SHANK2: variants seen among roughly 807,000 people sequenced by gnomAD.
SHANK2 encodes the protein SH3 and multiple ankyrin repeat domains protein 2.
Under a neutral mutation model 133.7 loss-of-function variants are expected in SHANK2, and 43 were observed. That is an observed-to-expected ratio of 0.32 (90% CI 0.25 to 0.41). SHANK2 has a LOEUF of 0.41. Ranked by LOEUF, SHANK2 falls within the 10% of genes least tolerant of loss-of-function variation. The pLI is 1.00. For synonymous variants in SHANK2, 1,017 were observed against 952.8 expected (o/e 1.07, Z -1.24); for missense variants, 1,994 against 2,235.8 (o/e 0.89, Z 2.18).
chr11:70,501,764 G>A (rs1318143680), intron 20 of SHANK2, among the ~76,000 whole-genome samples, 159 bp downstream of exon 20: 3 of 152,148 alleles, frequency 2.0e-5, no homozygotes, highest in Admixed American at 6.5e-5. Context: ...CCAAGCCCAC[G>A]CTATCTACAC....
chr11:70,702,539 T>C (rs1176770396), intron 14 of SHANK2, among the ~76,000 whole-genome samples: 1 of 150,916 alleles, frequency 6.6e-6, no homozygotes, highest in Non-Finnish European at 1.5e-5. Context: ...GCATCATCAC[T>C]AGCGTCATCA....
At chr11:71,133,462 A>G in intron 3 of SHANK2, among the ~76,000 whole-genome samples, 1 of 147,122 alleles carries the variant, frequency 6.8e-6, no homozygotes, top group South Asian at 2.2e-4. Context: ...AGACGGAGGG[A>G]GGGAGGGAGA....
chr11:70,934,061 T>C (rs1950537763), intron 10 of SHANK2, among the ~76,000 whole-genome samples: 1 of 151,390 alleles, frequency 6.6e-6, no homozygotes, highest in South Asian at 2.1e-4. Flanking sequence ...GCAAAACTCA[T>C]GTCTACAAAA....
intron 17 of SHANK2, among the ~76,000 whole-genome samples, chr11:70,534,665 G>C (rs1324740142): frequency 2.0e-5 from 3 of 152,174 alleles, no homozygotes; most frequent in Admixed American, 1.3e-4. Flanking sequence ...ATGAAAGAAT[G>C]ACAGTGTCCT....
In SHANK2 at chr11:70,485,730, G is replaced by T; in HGVS notation, c.4563C>A (p.Ser1521=). The T allele has an allele frequency of 6.2e-7, 1 of 1,614,032 alleles. No homozygotes were observed. Among genetic ancestry groups the T allele is most frequent in the Non-Finnish European group, 8.5e-7 (1 of 1,180,030 alleles). Residue 1521 remains serine (S), a synonymous_variant, in exon 25 of 26, where the codon TCC becomes TCA. Coordinates refer to ENST00000601538, the MANE Select transcript of SHANK2 (RefSeq NM_012309.5). This position sits in a 1 kb window ranked among gnomAD's most constrained non-coding sequence, Gnocchi z 5.8. The stretch of plus-strand genomic sequence containing the variant: ...AGGTGTCCACATTCTCTCCACCTTC[G>T]GAAGACAGGGTGGAGATGCTAGACA... ...STVSSISTLS[S]EGGENVDTCT... is the part of the protein sequence containing the mutation.
At position 70,754,952 on chromosome 11, in the gene SHANK2, T is replaced by A. The variant is rs77150444; in HGVS notation, c.1777+43491A>T. Reference sequence around the variant, plus strand: ...ACCTGGGTCCCTAAGAAGATACTAATACAGCAATAATAACGGCTATGATTA... The same window carrying A: ...ACCTGGGTCCCTAAGAAGATACTAAAACAGCAATAATAACGGCTATGATTA... On this transcript the variant is annotated intron_variant, in intron 14 of 25. Coordinates refer to ENST00000601538, the MANE Select transcript of SHANK2 (RefSeq NM_012309.5). 2.7e-3 allele frequency among the ~76,000 whole-genome samples: 404 copies of A among 152,132 alleles called. 1 individual carries two copies. Among genetic ancestry groups the A allele is most frequent in the African/African-American group, 9.6e-3 (397 of 41,490 alleles).
chr11:70,500,775 A>G lies in SHANK2; in HGVS notation c.2288-185T>C, dbSNP rs2059039036. 5 of 791,828 alleles carry G rather than the reference A, an allele frequency of 6.3e-6. No homozygotes were observed. In the East Asian group the frequency reaches 8.0e-5, roughly 13 times the overall value. 49.1% of individuals were successfully genotyped at this position (791,828 alleles called of 1,614,324 possible). ...CTATCCATGGAGTGGCTTTCCCCAA[A>G]CCTTGGCTGCCCGCACAACTCTGTC... On this transcript the variant is annotated intron_variant, in intron 20 of 25. Coordinates refer to ENST00000601538, the MANE Select transcript of SHANK2 (RefSeq NM_012309.5). The surrounding 1 kb of genome is among the most constrained non-coding windows in gnomAD (Gnocchi z 4.5).
At chr11:71,110,920 GC>G (rs1555099090) in intron 5 of SHANK2, among the ~76,000 whole-genome samples, 1 of 152,244 alleles carries the variant, frequency 6.6e-6, no homozygotes, top group East Asian at 1.9e-4. Flanking sequence ...GGAGGATGAA[GC>G]CCTCGTGAAT....
intron 2 of SHANK2, among the ~76,000 whole-genome samples, chr11:71,214,922 C>T (rs184746005): frequency 1.3e-5 from 2 of 152,292 alleles, no homozygotes; most frequent in South Asian, 2.1e-4. Flanking sequence ...CCAAGCATCC[C>T]GCCTTCCACA....
chr11:70,903,856 G>A (rs1320172238), intron 10 of SHANK2, among the ~76,000 whole-genome samples: 2 of 152,178 alleles, frequency 1.3e-5, no homozygotes, highest in Non-Finnish European at 2.9e-5. Flanking sequence ...TGGTGAAAAT[G>A]CCACCTGCAC....
chr11:70,797,079 C>T (rs1410290511), intron 14 of SHANK2, among the ~76,000 whole-genome samples: 1 of 152,206 alleles, frequency 6.6e-6, no homozygotes, highest in Non-Finnish European at 1.5e-5. Context: ...TCTGTGACTT[C>T]CCAGCCCTCG....
In SHANK2 at chr11:71,147,008, G is replaced by A. The variant is rs1952663637; in HGVS notation, c.207+112C>T. 4 of 887,606 alleles carry A rather than the reference G, an allele frequency of 4.5e-6. No individual in the cohort carries two copies. In the Admixed American group the frequency reaches 7.8e-5, roughly 17 times the overall value. The allele number at this position is 887,606 out of a possible 1,614,324, so 55.0% of individuals were successfully genotyped here. A position where few individuals can be genotyped will look rare whatever the true frequency, so the allele number is the denominator to read the frequency against. On this transcript the variant is annotated intron_variant, in intron 3 of 25. Transcript: ENST00000601538. ...ATGGAGCGAGGAAGGAGCACGGTGT[G>A]CCCAGAGCAGTCAGGACCGTGGGTC...
At chr11:71,114,648 A>G (rs1951946508) in intron 4 of SHANK2, among the ~76,000 whole-genome samples, 1 of 152,140 alleles carries the variant, frequency 6.6e-6, no homozygotes. Flanking sequence ...CATTTCCCAG[A>G]ACAGAGCAGG....
At chr11:71,165,084 A>C (rs1953113323) in intron 2 of SHANK2, among the ~76,000 whole-genome samples, 1 of 148,984 alleles carries the variant, frequency 6.7e-6, no homozygotes, top group Non-Finnish European at 1.5e-5. Context: ...CCCAGGCTGG[A>C]GTGCAGTGGC....
intron 17 of SHANK2, among the ~76,000 whole-genome samples, chr11:70,523,547 G>C (rs1376039791): frequency 1.3e-5 from 2 of 152,142 alleles, no homozygotes; most frequent in Non-Finnish European, 2.9e-5. Flanking sequence ...GAGGATCCCC[G>C]GTGCTGCCCC....
At chr11:70,561,450 C>G (rs1387174645) in intron 17 of SHANK2, among the ~76,000 whole-genome samples, 1 of 152,078 alleles carries the variant, frequency 6.6e-6, no homozygotes, top group Non-Finnish European at 1.5e-5. Context: ...AAAGAACCAA[C>G]TTTTGGTTGC....
At chr11:70,952,758 G>GT (rs1565426658) in intron 10 of SHANK2, 1 of 440,094 alleles carries the variant, frequency 2.3e-6, no homozygotes, top group Non-Finnish European at 4.7e-6. Context: ...GTCCGGGGGG[G>GT]CCTGAGCAGC....
chr11:70,675,624 T>C (rs1944891949), intron 15 of SHANK2, among the ~76,000 whole-genome samples: 1 of 152,224 alleles, frequency 6.6e-6, no homozygotes, highest in Non-Finnish European at 1.5e-5. Context: ...CCTAGCAGCA[T>C]GTTCTGGAGA....
intron 8 of SHANK2, among the ~76,000 whole-genome samples, chr11:71,078,455 A>G (rs1951249070): frequency 6.6e-6 from 1 of 152,242 alleles, no homozygotes; most frequent in African/African-American, 2.4e-5. Context: ...AGAAAGGCCA[A>G]TGGATGCCAA....
Sources: gnomAD v4.1 joint callset for allele counts (sites outside exome capture counted in the v4.1 genomes callset) on GRCh38, gnomAD v4.1.1 for gene constraint, Gnocchi (gnomAD v3.1) non-coding constraint, MANE v1.5 for transcripts, NCBI Gene and HGNC (gene_info 2026-07-23, HGNC 2026-07-21) for gene names.